The following HCRTR2 variants were observed in gnomAD, a reference collection of about 807,000 sequenced individuals.
The protein encoded by HCRTR2 is hypocretin receptor 2.
In HCRTR2, 22 loss-of-function variants were observed where a neutral mutation model predicts 49.0. That is an observed-to-expected ratio of 0.45 (90% CI 0.32 to 0.64). The LOEUF is 0.64. HCRTR2 is among the 30% of genes least tolerant of loss of function. The probability of loss-of-function intolerance (pLI) is 0.04; values close to 1 mark genes in which losing one functional copy is unlikely to be tolerated. For synonymous variants in HCRTR2, 236 were observed against 205.3 expected (o/e 1.15, Z -1.28); for missense variants, 491 against 559.4 (o/e 0.88, Z 1.23).
Position 55,125,042 on chromosome 6 carries a change from T to C in HCRTR2, c.-378+18497T>C, listed in dbSNP as rs372451119. 3.9e-5 allele frequency among the ~76,000 whole-genome samples: 6 copies of C among 152,130 alleles called. No individual in the cohort carries two copies. In the South Asian group the frequency reaches 6.2e-4, roughly 16 times the overall value. The stretch of plus-strand genomic sequence containing the variant: ...AGATGGGTCTCCTGAATACAGCACA[T>C]TGATGGGTCTTGACTCTTTATCCAA... On this transcript the variant is annotated intron_variant, in intron 1 of 7. Coordinates refer to the HCRTR2 transcript ENST00000615358.
chr6:55,130,039 C>T (rs776222687), intron 1 of HCRTR2, among the ~76,000 whole-genome samples: 2 of 152,000 alleles, frequency 1.3e-5, no homozygotes, highest in Non-Finnish European at 2.9e-5. Context: ...ATGTTTCAAA[C>T]TCATTTTAAG....
chr6:55,166,292 T>C lies in HCRTR2; in HGVS notation c.-377-7919T>C, dbSNP rs577389478. On this transcript the variant is annotated intron_variant, in intron 1 of 7. Coordinates refer to the HCRTR2 transcript ENST00000615358. Reference sequence around the variant, plus strand: ...ATATTGGCCTGTAGTTTTCTGTTTTTATGTTGTATTCTAGTCTGATTTTGG... The same window carrying C: ...ATATTGGCCTGTAGTTTTCTGTTTTCATGTTGTATTCTAGTCTGATTTTGG... Among the ~76,000 whole-genome samples the C allele has an allele frequency of 9.9e-5, 15 of 152,260 alleles. No homozygotes were observed. In the South Asian group the frequency reaches 3.1e-3, roughly 32 times the overall value.
At chr6:55,260,833 A>G (rs528006657) in intron 3 of HCRTR2, among the ~76,000 whole-genome samples, 93 of 152,226 alleles carry the variant, frequency 6.1e-4, no homozygotes, top group Non-Finnish European at 1.1e-3. Context: ...TATGACAATC[A>G]TCATGCTTAT....
intron 1 of HCRTR2, among the ~76,000 whole-genome samples, chr6:55,190,844 G>C (rs944092001): frequency 5.9e-5 from 9 of 151,702 alleles, no homozygotes; most frequent in African/African-American, 2.2e-4. Flanking sequence ...GAATTTCAGG[G>C]AGTGAAGACC....
At chr6:55,240,066 C>G (rs1290513529) in intron 1 of HCRTR2, among the ~76,000 whole-genome samples, 2 of 151,744 alleles carry the variant, frequency 1.3e-5, no homozygotes, top group African/African-American at 4.8e-5. Context: ...TGTGAGCCAC[C>G]GCGCCCGGCC....
chr6:55,154,527 C>T (rs1235814993), intron 1 of HCRTR2, among the ~76,000 whole-genome samples: 2 of 151,672 alleles, frequency 1.3e-5, no homozygotes, highest in Non-Finnish European at 3.0e-5. Context: ...ATCATATGAT[C>T]ATCTGAATAG....
intron 1 of HCRTR2, among the ~76,000 whole-genome samples, chr6:55,119,934 A>G (rs990765841): frequency 6.6e-6 from 1 of 151,772 alleles, no homozygotes; most frequent in Non-Finnish European, 1.5e-5. Flanking sequence ...ATCCATCTTG[A>G]GTTGATTTTT....
At chr6:55,162,852 T>C (rs912064994) in intron 1 of HCRTR2, among the ~76,000 whole-genome samples, 19 of 152,184 alleles carry the variant, frequency 1.2e-4, no homozygotes, top group Admixed American at 1.0e-3. Flanking sequence ...TCCATCCTCA[T>C]GGATAGGAAG....
At chr6:55,151,252 G>A (rs1764661170) in intron 1 of HCRTR2, among the ~76,000 whole-genome samples, 1 of 151,882 alleles carries the variant, frequency 6.6e-6, no homozygotes, top group African/African-American at 2.4e-5. Context: ...ATTTCTCTGT[G>A]TTATGCAATG....
intron 3 of HCRTR2, among the ~76,000 whole-genome samples, chr6:55,258,523 C>G (rs1052181342): frequency 6.6e-6 from 1 of 152,036 alleles, no homozygotes; most frequent in African/African-American, 2.4e-5. Flanking sequence ...TCATTATTGC[C>G]TATTACTTCT....
chr6:55,274,410 T>G (rs928046633), intron 4 of HCRTR2, among the ~76,000 whole-genome samples: 1 of 150,092 alleles, frequency 6.7e-6, no homozygotes, highest in African/African-American at 2.4e-5. Flanking sequence ...AATTTTCCAT[T>G]TATTGCTAGT....
At chr6:55,193,983 T>C (rs980606545) in intron 1 of HCRTR2, among the ~76,000 whole-genome samples, 1 of 152,074 alleles carries the variant, frequency 6.6e-6, no homozygotes, top group Admixed American at 6.6e-5. Flanking sequence ...GAATAAAGAT[T>C]TTTTTTTCTC....
chr6:55,127,753 A>G (rs1764301019), intron 1 of HCRTR2, among the ~76,000 whole-genome samples: 1 of 152,166 alleles, frequency 6.6e-6, no homozygotes, highest in Non-Finnish European at 1.5e-5. Flanking sequence ...GTTTGTTTCA[A>G]GGCATGTCAT....
intron 1 of HCRTR2, among the ~76,000 whole-genome samples, chr6:55,218,342 C>G (rs1037499930): frequency 1.3e-5 from 2 of 151,922 alleles, no homozygotes; most frequent in African/African-American, 4.8e-5. Flanking sequence ...AGTAAGAGAG[C>G]AAAATACAGA....
intron 1 of HCRTR2, among the ~76,000 whole-genome samples, chr6:55,147,179 C>T (rs1424898285): frequency 6.6e-6 from 1 of 151,872 alleles, no homozygotes; most frequent in Non-Finnish European, 1.5e-5. Flanking sequence ...ATTATAAATA[C>T]AAAATATAGC....
At chr6:55,251,736 A>G (rs563401983) in intron 2 of HCRTR2, among the ~76,000 whole-genome samples, 1 of 152,218 alleles carries the variant, frequency 6.6e-6, no homozygotes, top group East Asian at 1.9e-4. Flanking sequence ...CCTTTGCCGT[A>G]TCTATTTGCT....
chr6:55,161,759 T>C (rs1236105129), intron 1 of HCRTR2, among the ~76,000 whole-genome samples: 1 of 151,962 alleles, frequency 6.6e-6, no homozygotes, highest in Non-Finnish European at 1.5e-5. Context: ...CCTGGACACA[T>C]ACACCTTCCC....
At chr6:55,171,742 T>G (rs1423010950), upstream of HCRTR2, among the ~76,000 whole-genome samples, 1 of 152,198 alleles carries the variant, frequency 6.6e-6, no homozygotes, top group Admixed American at 6.5e-5. Flanking sequence ...AATATTTTCA[T>G]TTCTCGTTAT....
At chr6:55,217,964 A>G (rs60634490) in intron 1 of HCRTR2, among the ~76,000 whole-genome samples, 8,701 of 152,256 alleles carry the variant, frequency 0.057, 378 homozygotes, top group African/African-American at 0.12. Context: ...TGTTAGGGAA[A>G]TTGGCTCACA....
Sources: gnomAD v4.1 joint callset for allele counts (sites outside exome capture counted in the v4.1 genomes callset) on GRCh38, gnomAD v4.1.1 for gene constraint, MANE v1.5 for transcripts, NCBI Gene and HGNC (gene_info 2026-07-23, HGNC 2026-07-21) for gene names.